BTBD16: variants seen among roughly 807,000 people sequenced by gnomAD.
BTBD16 encodes BTB/POZ domain-containing protein 16.
In BTBD16, 66 loss-of-function variants were observed where a neutral mutation model predicts 67.4. The ratio of observed to expected loss-of-function variants is 0.98; its 90% CI spans 0.80 to 1.20. The LOEUF (loss-of-function observed/expected upper bound fraction) is 1.20. BTBD16 is among the 50% of genes most tolerant of loss of function. The pLI is 0.00. For missense variants in BTBD16, 634 were observed against 616.0 expected (o/e 1.03, Z -0.31); for synonymous variants, 242 against 236.4 (o/e 1.02, Z -0.22).
intron 10 of BTBD16, chr10:122,328,848 C>T (rs2096450007): frequency 1.0e-6 from 1 of 985,078 alleles, no homozygotes; most frequent in Non-Finnish European, 1.2e-6. Context: ...TGAACTTCAG[C>T]TCCGTGAGGA....
intron 10 of BTBD16, among the ~76,000 whole-genome samples, chr10:122,316,323 C>T (rs772388597): frequency 6.6e-5 from 10 of 152,060 alleles, no homozygotes; most frequent in Admixed American, 4.6e-4. Context: ...TGCTCCAGCC[C>T]CACCACCACC....
Position 122,332,342 on chromosome 10 carries a change from G to GT in BTBD16, c.1087-94_1087-93insT, listed in dbSNP as rs924158533. The GT allele has an allele frequency of 5.9e-5, 68 of 1,162,136 alleles. 1 individual carries two copies. The South Asian group carries it at 7.5e-4, about 13-fold the overall frequency. 72.0% of individuals were successfully genotyped at this position (1,162,136 alleles called of 1,614,324 possible). A position where few individuals can be genotyped will look rare whatever the true frequency, so the allele number is the denominator to read the frequency against. On this transcript the variant is annotated intron_variant, in intron 12 of 15. Transcript: ENST00000260723. ...AAAACTCTTTTTCAAACCTGGTGAG[G>GT]GGGGCAGGGGTCAAGGAAGAGGCAT...
At chr10:122,309,578 C>T (rs1020145903) in intron 10 of BTBD16, among the ~76,000 whole-genome samples, 11 of 151,982 alleles carry the variant, frequency 7.2e-5, no homozygotes, top group South Asian at 4.2e-4. Context: ...CTCTTGACCT[C>T]GCGATCCACC....
At chr10:122,290,066 C>A in intron 6 of BTBD16, 68 bp downstream of exon 6, 1 of 1,116,352 alleles carries the variant, frequency 9.0e-7, no homozygotes, top group Non-Finnish European at 1.3e-6. Flanking sequence ...TTTAAAAATG[C>A]ACAAGCAACA....
chr10:122,276,851 C>G lies in BTBD16; in HGVS notation c.79C>G (p.Gln27Glu), dbSNP rs1000184541. The G allele has an allele frequency of 5.6e-6, 9 of 1,614,120 alleles. No homozygotes were observed. The highest frequency in any genetic ancestry group is 7.6e-6 in the Non-Finnish European group (9 of 1,180,036). ...AACCAACCGGTGGCGTTTGCCCAAA[C>G]AGCCTTTCTCTGGGGACCTGCTCTC... ...GSTNRWRLPK[Q>E]PFSGDLLSLS... Residue 27 changes from glutamine to glutamate, a missense_variant, in exon 3 of 16, where the codon CAG becomes GAG. Gln to Glu is a conservative substitution (Grantham distance 29). Coordinates refer to ENST00000260723, the MANE Select transcript of BTBD16 (RefSeq NM_144587.5).
At chr10:122,275,240 G>A (rs1399833933) in intron 2 of BTBD16, 141 bp downstream of exon 2, 31 of 818,892 alleles carry the variant, frequency 3.8e-5, no homozygotes, top group East Asian at 2.7e-4. Flanking sequence ...TGGAAAGAGC[G>A]CGTCCAGGCA....
chr10:122,309,716 C>A (rs1191434344), intron 10 of BTBD16, among the ~76,000 whole-genome samples: 2 of 151,928 alleles, frequency 1.3e-5, no homozygotes, highest in Non-Finnish European at 2.9e-5. Context: ...TCAAGTGATC[C>A]TCCCACTTGG....
intron 10 of BTBD16, among the ~76,000 whole-genome samples, chr10:122,323,838 G>C (rs2096439655): frequency 6.6e-6 from 1 of 152,144 alleles, no homozygotes; most frequent in South Asian, 2.1e-4. Flanking sequence ...GCAAATTGAT[G>C]GTGGTCCTGG....
chr10:122,285,855 C>T (rs1178216784), intron 4 of BTBD16, among the ~76,000 whole-genome samples: 7 of 152,026 alleles, frequency 4.6e-5, no homozygotes, highest in Admixed American at 1.3e-4. Context: ...AGCTGTTAGC[C>T]GACAGCTGTC....
chr10:122,334,447 A>G (rs1356735154), intron 13 of BTBD16, among the ~76,000 whole-genome samples: 5 of 139,198 alleles, frequency 3.6e-5, no homozygotes, highest in East Asian at 2.2e-4. Flanking sequence ...GGCCCGCCTC[A>G]GCCTCCCAAA....
chr10:122,338,104 A>G lies in BTBD16; in HGVS notation c.*19A>G, dbSNP rs1162192644. ...ATCTTGACAGTTTCCAGAAGAATCT[A>G]TGGGATTTTCCCCCCACTGGTCTGC... is the stretch of plus-strand genomic sequence containing the variant. On this transcript the variant is annotated 3_prime_UTR_variant, in exon 16 of 16. Transcript: ENST00000260723. 3.8e-6 allele frequency: 6 copies of G among 1,563,288 alleles called. No homozygotes were observed. The highest frequency in any genetic ancestry group is 1.7e-4 in the Middle Eastern group (1 of 5,956).
At chr10:122,288,819 C>A (rs919951036) in intron 5 of BTBD16, among the ~76,000 whole-genome samples, 4 of 152,080 alleles carry the variant, frequency 2.6e-5, no homozygotes, top group African/African-American at 9.7e-5. Flanking sequence ...GGGCGGAAGC[C>A]CCACACCATC....
chr10:122,327,258 C>G (rs2096446715), intron 10 of BTBD16, among the ~76,000 whole-genome samples: 1 of 152,186 alleles, frequency 6.6e-6, no homozygotes, highest in South Asian at 2.1e-4. Context: ...TGGCCCATAA[C>G]TTGGGTGATT....
intron 10 of BTBD16, 85 bp from the exon 11 acceptor site, chr10:122,329,395 C>T: frequency 7.3e-7 from 1 of 1,363,098 alleles, no homozygotes. Flanking sequence ...CCACTAGTCT[C>T]TACAACATGG....
intron 5 of BTBD16, among the ~76,000 whole-genome samples, chr10:122,287,988 A>G (rs1437106602): frequency 6.6e-6 from 1 of 152,180 alleles, no homozygotes; most frequent in Non-Finnish European, 1.5e-5. Context: ...CTGAATTCCT[A>G]TCTTTCACTT....
intron 10 of BTBD16, among the ~76,000 whole-genome samples, chr10:122,309,700 C>G: frequency 6.6e-6 from 1 of 152,002 alleles, no homozygotes; most frequent in South Asian, 2.1e-4. Flanking sequence ...TCTCAAACTC[C>G]TGGTCTCAAG....
chr10:122,293,108 C>T (rs1358480439), intron 7 of BTBD16, among the ~76,000 whole-genome samples: 1 of 152,114 alleles, frequency 6.6e-6, no homozygotes, highest in Non-Finnish European at 1.5e-5. Context: ...ATTCCTGATG[C>T]AATTCAGTAT....
chr10:122,326,546 C>T (rs192569112), intron 10 of BTBD16, among the ~76,000 whole-genome samples: 2 of 152,194 alleles, frequency 1.3e-5, no homozygotes, highest in East Asian at 1.9e-4. Context: ...GCCTGATACT[C>T]GCAGGAAGGG....
intron 5 of BTBD16, among the ~76,000 whole-genome samples, chr10:122,288,643 A>G (rs1490169003): frequency 6.6e-6 from 1 of 152,148 alleles, no homozygotes; most frequent in Admixed American, 6.5e-5. Flanking sequence ...CTTGGGGGAA[A>G]AGCACAACAG....
Sources: allele counts gnomAD v4.1 joint callset (sites outside exome capture counted in the v4.1 genomes callset), GRCh38; gene constraint gnomAD v4.1.1; transcripts MANE v1.5; gene names NCBI Gene and HGNC (gene_info 2026-07-23, HGNC 2026-07-21).